Variants in NECAB2 observed in about 807,000 individuals in gnomAD.
The protein encoded by NECAB2 is N-terminal EF-hand calcium-binding protein 2.
Under a neutral mutation model 51.9 loss-of-function variants are expected in NECAB2, and 68 were observed. The observed-to-expected ratio is 1.31, with a 90% CI of 1.08 to 1.60. NECAB2 has a LOEUF of 1.60. NECAB2 is among the 40% of genes most tolerant of loss of function. The probability of loss-of-function intolerance (pLI) is 0.00; values close to 1 mark genes in which losing one functional copy is unlikely to be tolerated. For synonymous variants in NECAB2, 329 were observed against 203.5 expected (o/e 1.62, Z -5.25); for missense variants, 854 against 490.3 (o/e 1.74, Z -7.00).
In NECAB2 at chr16:84,000,821, CAGCAGGTGAGGGAGACAGAGGG is replaced by C; in HGVS notation, c.1040+22_1040+43del. 1.2e-6 allele frequency: 2 copies of C among 1,611,858 alleles called. No individual in the cohort carries two copies. The highest frequency in any genetic ancestry group is 1.7e-6 in the Non-Finnish European group (2 of 1,178,666). On this transcript the variant is annotated intron_variant, in intron 11 of 12. Coordinates refer to ENST00000305202, the MANE Select transcript of NECAB2 (RefSeq NM_019065.3). ...GAAGAGGTGAGATGCTGGGTCCCCA[CAGCAGGTGAGGGAGACAGAGGG>C]AAGTGGGGGGGCTGTCTTCCTGGAG...
intron 10 of NECAB2, among the ~76,000 whole-genome samples, chr16:83,999,059 C>T (rs1292517944): frequency 1.3e-5 from 2 of 152,308 alleles, no homozygotes; most frequent in East Asian, 1.9e-4. Flanking sequence ...TCATTCACCC[C>T]ATTGCCTGGG....
At position 83,994,646 on chromosome 16, in the gene NECAB2, G is replaced by C. The variant is rs772913040; in HGVS notation, c.753G>C (p.Gln251His). ...EDAKEEGLEA[Q>H]ISRLAELIGR... ...CAAAGGAAGAGGGTCTGGAAGCCCA[G>C]ATCAGCCGCTTGGCAGAGCTGATTG... The change falls in exon 8 of 13, where the codon CAG becomes CAC. Residue 251 changes from glutamine to histidine, a missense_variant. Coordinates refer to ENST00000305202, the MANE Select transcript of NECAB2 (RefSeq NM_019065.3). 1.2e-5 allele frequency: 20 copies of C among 1,614,152 alleles called. No homozygotes were observed. The highest frequency in any genetic ancestry group is 4.5e-5 in the East Asian group (2 of 44,882).
rs1321974586 is a variant in NECAB2 at position 83,994,527 on chromosome 16, A to AGG, written c.716-79_716-78dup. 1.0e-5 allele frequency: 16 copies of AGG among 1,598,452 alleles called. No individual in the cohort carries two copies. The East Asian group carries it at 3.3e-4, about 33-fold the overall frequency. On this transcript the variant is annotated intron_variant, in intron 7 of 12. Transcript: ENST00000305202. The stretch of plus-strand genomic sequence containing the variant: ...AGATGAGCAAGTTTGATGCCCCTGG[A>AGG]GGGGCTGGATGTTTCCAGCTTCCCC...
intron 9 of NECAB2, among the ~76,000 whole-genome samples, chr16:83,997,909 G>A (rs1224622763): frequency 2.0e-5 from 3 of 152,160 alleles, no homozygotes; most frequent in Non-Finnish European, 4.4e-5. Context: ...CAGTGGATGT[G>A]CTGTGTCTCC....
At chr16:83,965,428 A>G (rs173776), upstream of NECAB2, 310,644 of 1,583,898 alleles carry the variant, frequency 0.2, 40,776 homozygotes, top group African/African-American at 0.67. Flanking sequence ...CCCCGGCCTC[A>G]GACCCTGTCC....
rs370082181 is a variant in NECAB2 at position 84,001,459 on chromosome 16, G to A, written c.1041-366G>A. Among the ~76,000 whole-genome samples the A allele has an allele frequency of 9.9e-5, 15 of 152,114 alleles. 1 individual carries two copies. Among genetic ancestry groups the A allele is most frequent in the East Asian group, 3.9e-4 (2 of 5,190 alleles). On this transcript the variant is annotated intron_variant, in intron 11 of 12. Coordinates refer to ENST00000305202, the MANE Select transcript of NECAB2 (RefSeq NM_019065.3). ...AAGTGAGAGTGTCCCCTCCCTGTCCGTACTTCAGTGACTCATAAAACGAGG... is the reference window on the plus strand; with the variant it reads ...AAGTGAGAGTGTCCCCTCCCTGTCCATACTTCAGTGACTCATAAAACGAGG...
chr16:83,986,489 G>T (rs1398544804), intron 5 of NECAB2, among the ~76,000 whole-genome samples: 4 of 152,158 alleles, frequency 2.6e-5, no homozygotes, highest in Non-Finnish European at 5.9e-5. Context: ...GCCCTGTGGA[G>T]AGTGCCAGAC....
Position 83,978,344 on chromosome 16 carries a change from C to T in NECAB2, c.227-100C>T, listed in dbSNP as rs1235450053. 25 of 849,098 alleles carry T rather than the reference C, an allele frequency of 2.9e-5. 1 individual carries two copies. In the Admixed American group the frequency reaches 5.5e-4, roughly 19 times the overall value. 52.6% of individuals were successfully genotyped at this position (849,098 alleles called of 1,614,324 possible). A position where few individuals can be genotyped will look rare whatever the true frequency, so the allele number is the denominator to read the frequency against. ...ATTATCTGAGCTGCAGTTGTTCTGTCAGTCAGGCCATTGACTGGATTTGGG... is the reference window on the plus strand; with the variant it reads ...ATTATCTGAGCTGCAGTTGTTCTGTTAGTCAGGCCATTGACTGGATTTGGG... On this transcript the variant is annotated intron_variant, in intron 2 of 12. Coordinates refer to ENST00000305202, the MANE Select transcript of NECAB2 (RefSeq NM_019065.3).
chr16:83,998,173 A>AGC (rs766177275), intron 9 of NECAB2, 32 bp from the exon 10 acceptor site: 2 of 1,595,462 alleles, frequency 1.3e-6, no homozygotes, highest in Admixed American at 3.4e-5. Context: ...CCTGACGTGG[A>AGC]GCCCCACACT....
intron 5 of NECAB2, among the ~76,000 whole-genome samples, chr16:83,989,320 C>G (rs1288661600): frequency 2.0e-5 from 3 of 152,200 alleles, no homozygotes. Flanking sequence ...CCTGGTCTGG[C>G]TGTCGGCTTG....
At chr16:83,990,724 G>C (rs1172822621) in intron 6 of NECAB2, 94 bp downstream of exon 6, 10 of 1,516,624 alleles carry the variant, frequency 6.6e-6, no homozygotes, top group Non-Finnish European at 8.8e-6. Context: ...GTGTACCTAA[G>C]AGCTGGGTGA....
In NECAB2 at chr16:83,998,331, C is replaced by T. The variant is rs7199901; in HGVS notation, c.962+14C>T. 13,435 of 1,611,238 alleles carry T rather than the reference C, an allele frequency of 8.3e-3. 669 individuals are homozygous for T. The African/African-American group carries it at 0.13, about 15-fold the overall frequency. On this transcript the variant is annotated intron_variant, in intron 10 of 12. Transcript: ENST00000305202. ...GAACTGCTTCCAGTGAGTGAGCTGCCGAGGCGTGGGTGGGATGGTGGCAGG... is the reference window on the plus strand; with the variant it reads ...GAACTGCTTCCAGTGAGTGAGCTGCTGAGGCGTGGGTGGGATGGTGGCAGG...
chr16:83,999,338 TC>T (rs2084775518), intron 10 of NECAB2, among the ~76,000 whole-genome samples: 1 of 152,170 alleles, frequency 6.6e-6, no homozygotes, highest in Non-Finnish European at 1.5e-5. Context: ...TTGATCTTTT[TC>T]CATTACGTGA....
At chr16:83,966,610 G>C (rs965342415), upstream of NECAB2, among the ~76,000 whole-genome samples, 10 of 152,208 alleles carry the variant, frequency 6.6e-5, no homozygotes, top group Admixed American at 1.3e-4. Context: ...TCCGCAGCCT[G>C]TCCCAGGCCT....
At chr16:83,996,386 C>A (rs1220040124) in intron 8 of NECAB2, among the ~76,000 whole-genome samples, 3 of 152,150 alleles carry the variant, frequency 2.0e-5, no homozygotes, top group Non-Finnish European at 2.9e-5. Flanking sequence ...GTGCAAGGTC[C>A]CTTGCTCAAA....
upstream of NECAB2, chr16:83,965,512 T>C (rs1406173774): frequency 1.9e-6 from 3 of 1,612,184 alleles, no homozygotes; most frequent in South Asian, 1.1e-5. Context: ...CGGTGATCCA[T>C]GCCTTCCGCC....
At chr16:83,999,072 C>T (rs1363116894) in intron 10 of NECAB2, among the ~76,000 whole-genome samples, 4 of 152,338 alleles carry the variant, frequency 2.6e-5, no homozygotes, top group African/African-American at 9.6e-5. Context: ...TGCCTGGGGA[C>T]ATGGCTGTGA....
intron 12 of NECAB2, 144 bp downstream of exon 12, chr16:84,002,060 C>G (rs1414550220): frequency 1.5e-5 from 17 of 1,098,596 alleles, no homozygotes; most frequent in Middle Eastern, 2.9e-4. Flanking sequence ...AGGCTCAGAG[C>G]CAGCCCTGAG....
At chr16:83,972,596 C>A (rs1284893175) in intron 2 of NECAB2, among the ~76,000 whole-genome samples, 1 of 152,238 alleles carries the variant, frequency 6.6e-6, no homozygotes, top group East Asian at 1.9e-4. Flanking sequence ...ATCGTAGCAA[C>A]CTGAGCAGTC....
Sources: gnomAD v4.1 joint callset for allele counts (sites outside exome capture counted in the v4.1 genomes callset) on GRCh38, gnomAD v4.1.1 for gene constraint, MANE v1.5 for transcripts, NCBI Gene and HGNC (gene_info 2026-07-23, HGNC 2026-07-21) for gene names.